FHOD3: variants seen among roughly 807,000 people sequenced by gnomAD.
FHOD3 encodes FH1/FH2 domain-containing protein 3.
A neutral mutation model predicts 173.0 loss-of-function variants in FHOD3; 90 were observed. The ratio of observed to expected loss-of-function variants is 0.52; its 90% CI spans 0.44 to 0.62. The LOEUF is 0.62. Among genes scored for constraint, FHOD3 ranks in the 20% least tolerant of loss-of-function variants. FHOD3 has a pLI of 0.00. For synonymous variants in FHOD3, 828 were observed against 823.0 expected, an observed-to-expected ratio of 1.01 and a Z score of -0.10; for missense variants, 1,945 against 2,034.7, an observed-to-expected ratio of 0.96 and a Z score of 0.85.
intron 3 of FHOD3, among the ~76,000 whole-genome samples, chr18:36,456,575 A>G (rs2052227821): frequency 6.6e-6 from 1 of 152,060 alleles, no homozygotes. Flanking sequence ...TAGTTTTCAA[A>G]CTGCTCATCA....
chr18:36,394,672 A>T (rs2048465442), intron 3 of FHOD3, among the ~76,000 whole-genome samples: 1 of 152,238 alleles, frequency 6.6e-6, no homozygotes, highest in African/African-American at 2.4e-5. Context: ...TCTTAGTGGT[A>T]GAGCAAGATG....
At chr18:36,456,813 C>T (rs973917345) in intron 3 of FHOD3, among the ~76,000 whole-genome samples, 2 of 152,166 alleles carry the variant, frequency 1.3e-5, no homozygotes, top group Non-Finnish European at 2.9e-5. Flanking sequence ...ACAGCTGAGA[C>T]TGTCATCCTC....
intron 24 of FHOD3, 127 bp downstream of exon 24, chr18:36,747,262 C>T (rs539450662): frequency 3.3e-6 from 2 of 597,912 alleles, no homozygotes; most frequent in Non-Finnish European, 5.5e-6. Context: ...AGCAAGTACA[C>T]TGATGATACA....
intron 1 of FHOD3, among the ~76,000 whole-genome samples, chr18:36,336,993 C>T (rs1205847575): frequency 2.0e-5 from 3 of 151,298 alleles, no homozygotes; most frequent in East Asian, 3.9e-4. Flanking sequence ...GCCAACATGG[C>T]GAAACCTCAT....
Position 36,500,913 on chromosome 18 carries a change from G to A in FHOD3, c.338-1019G>A, listed in dbSNP as rs75337135. Among the ~76,000 whole-genome samples the A allele has an allele frequency of 6.8e-3, 1,039 of 152,270 alleles. 12 individuals carry two copies. Among genetic ancestry groups the A allele is most frequent in the African/African-American group, 0.024 (989 of 41,542 alleles). ...GCCACCTGGATCAGGACCAAGTGTG[G>A]GTGCTGGGAGGCTAAGCGGGATGTG... On this transcript the variant is annotated intron_variant, in intron 3 of 28. Coordinates refer to ENST00000590592, the MANE Select transcript of FHOD3 (RefSeq NM_001281740.3).
In FHOD3 at chr18:36,652,843, C is replaced by G; in HGVS notation, c.1560C>G (p.His520Gln). ...TAGACAAGCTGCCCTACGTGCCCCA[C>G]AGCCCCTTCCACCTCTTCTCCTATG... ...PTIDKLPYVPHSPFHLFSYDF... is the reference protein window; with the variant it reads ...PTIDKLPYVPQSPFHLFSYDF... Residue 520 changes from histidine to glutamine, a missense_variant, in exon 12 of 29, where the codon CAC becomes CAG. His to Gln is a conservative substitution (Grantham distance 24). Transcript: ENST00000590592. 1 of 1,536,044 alleles carries G rather than the reference C, an allele frequency of 6.5e-7. No individual in the cohort carries two copies. Among genetic ancestry groups the G allele is most frequent in the Non-Finnish European group, 8.7e-7 (1 of 1,146,756 alleles).
intron 15 of FHOD3, among the ~76,000 whole-genome samples, chr18:36,683,577 C>T (rs1404053428): frequency 6.6e-6 from 1 of 152,192 alleles, no homozygotes; most frequent in African/African-American, 2.4e-5. Flanking sequence ...TTGGCATGTA[C>T]TCAAAGGCAC....
chr18:36,375,797 G>A (rs1351433476), intron 3 of FHOD3, among the ~76,000 whole-genome samples: 1 of 152,100 alleles, frequency 6.6e-6, no homozygotes, highest in Non-Finnish European at 1.5e-5. Context: ...TTTGGCCGGA[G>A]GTTGGAATGA....
chr18:36,457,721 G>C (rs559889226), intron 3 of FHOD3, among the ~76,000 whole-genome samples: 10 of 152,198 alleles, frequency 6.6e-5, no homozygotes, highest in Admixed American at 6.5e-4. Flanking sequence ...TCTCTGAGTT[G>C]GTACCTGCTC....
intron 28 of FHOD3, among the ~76,000 whole-genome samples, chr18:36,772,785 C>T (rs938461113): frequency 6.6e-6 from 1 of 152,224 alleles, no homozygotes; most frequent in African/African-American, 2.4e-5. Flanking sequence ...CTCAAATCGT[C>T]CAGGTGATCT....
At chr18:36,498,918 A>G (rs530953388) in intron 3 of FHOD3, among the ~76,000 whole-genome samples, 1 of 152,308 alleles carries the variant, frequency 6.6e-6, no homozygotes, top group Admixed American at 6.5e-5. Flanking sequence ...ATCAGAACAC[A>G]ACTAATGATG....
intron 5 of FHOD3, among the ~76,000 whole-genome samples, chr18:36,534,303 TA>T (rs2056904102): frequency 6.6e-6 from 1 of 152,042 alleles, no homozygotes; most frequent in South Asian, 2.1e-4. Context: ...CTGTTGTTTC[TA>T]AAGAGTGAGA....
intron 26 of FHOD3, 70 bp from the exon 27 acceptor site, chr18:36,760,538 G>C: frequency 7.2e-7 from 1 of 1,390,030 alleles, no homozygotes; most frequent in Non-Finnish European, 9.5e-7. Context: ...CCTCAACCAC[G>C]GGTTTTAGAA....
At chr18:36,660,469 G>A (rs576205807) in intron 14 of FHOD3, among the ~76,000 whole-genome samples, 2 of 152,352 alleles carry the variant, frequency 1.3e-5, no homozygotes, top group African/African-American at 4.8e-5. Context: ...GCTGCCGCGA[G>A]GCAGTGTCAG....
chr18:36,755,112 C>T lies in FHOD3; in HGVS notation c.4233-7C>T. ...AAGTCATTGCTATTACTGTTTTTTC[C>T]TTGCAGATTCCACTCCTTTTTACTC... On this transcript the variant is annotated splice_region_variant and splice_polypyrimidine_tract_variant and intron_variant, in intron 24 of 28. Coordinates refer to ENST00000590592, the MANE Select transcript of FHOD3 (RefSeq NM_001281740.3). 1 of 1,530,226 alleles carries T rather than the reference C, an allele frequency of 6.5e-7. No homozygotes were observed. The highest frequency in any genetic ancestry group is 1.3e-5 in the South Asian group (1 of 74,650). 94.8% of individuals were successfully genotyped at this position (1,530,226 alleles called of 1,614,324 possible).
At chr18:36,662,353 G>C (rs186648409) in intron 14 of FHOD3, among the ~76,000 whole-genome samples, 39 of 152,310 alleles carry the variant, frequency 2.6e-4, no homozygotes, top group African/African-American at 6.5e-4. Context: ...TGAGTGCTCA[G>C]TGGGAAGAGG....
chr18:36,365,726 A>G (rs1290610624), intron 2 of FHOD3, among the ~76,000 whole-genome samples: 1 of 152,154 alleles, frequency 6.6e-6, no homozygotes, highest in Non-Finnish European at 1.5e-5. Flanking sequence ...ATGACTATGG[A>G]AGAGAGACAC....
chr18:36,672,773 A>G (rs1237879513), intron 14 of FHOD3, among the ~76,000 whole-genome samples: 1 of 152,240 alleles, frequency 6.6e-6, no homozygotes, highest in African/African-American at 2.4e-5. Context: ...CAATAAACAA[A>G]TAGAAGAGTG....
chr18:36,767,227 A>C (rs1217298933), intron 27 of FHOD3, among the ~76,000 whole-genome samples: 1 of 152,214 alleles, frequency 6.6e-6, no homozygotes, highest in East Asian at 1.9e-4. Context: ...GGGTATAAGC[A>C]CAAAAAGTAC....
Sources: gnomAD v4.1 joint callset for allele counts (sites outside exome capture counted in the v4.1 genomes callset) on GRCh38, gnomAD v4.1.1 for gene constraint, MANE v1.5 for transcripts, NCBI Gene and HGNC (gene_info 2026-07-23, HGNC 2026-07-21) for gene names.